The following SNAP91 variants were observed in gnomAD, a reference collection of about 807,000 sequenced individuals.
The protein encoded by SNAP91 is synaptosome associated protein 91, also known as clathrin coat assembly protein AP180.
Under a neutral mutation model 100.3 loss-of-function variants are expected in SNAP91, and 27 were observed. The observed-to-expected ratio is 0.27, with a 90% CI of 0.20 to 0.37. The LOEUF (loss-of-function observed/expected upper bound fraction) is 0.37. Ranked by LOEUF, SNAP91 falls within the 10% of genes least tolerant of loss-of-function variation. SNAP91 has a pLI of 1.00. For missense variants in SNAP91, 986 were observed against 1,123.7 expected (o/e 0.88, Z 1.75); for synonymous variants, 404 against 398.6 (o/e 1.01, Z -0.16).
At chr6:83,604,776 T>C (rs1273606904) in intron 14 of SNAP91, among the ~76,000 whole-genome samples, 1 of 152,194 alleles carries the variant, frequency 6.6e-6, no homozygotes, top group Non-Finnish European at 1.5e-5. Flanking sequence ...AACAGCTTTC[T>C]ATCTAACCTA....
intron 2 of SNAP91, among the ~76,000 whole-genome samples, chr6:83,666,428 C>G (rs2098687310): frequency 6.6e-6 from 1 of 152,070 alleles, no homozygotes; most frequent in Admixed American, 6.6e-5. Context: ...ACAGCAGACA[C>G]TGCATGACTT....
chr6:83,604,999 C>A (rs1466541814), intron 14 of SNAP91, among the ~76,000 whole-genome samples: 1 of 152,044 alleles, frequency 6.6e-6, no homozygotes, highest in Non-Finnish European at 1.5e-5. Context: ...GTATTTAAAA[C>A]CAACTCTTTG....
chr6:83,670,123 CA>C (rs1005389940), intron 2 of SNAP91, among the ~76,000 whole-genome samples: 3 of 151,902 alleles, frequency 2.0e-5, no homozygotes, highest in African/African-American at 7.2e-5. Context: ...TTCCCAAGTT[CA>C]AATATTTAAT....
chr6:83,697,544 T>C (rs758614267), intron 2 of SNAP91, among the ~76,000 whole-genome samples: 2 of 152,204 alleles, frequency 1.3e-5, no homozygotes, highest in Non-Finnish European at 2.9e-5. Flanking sequence ...GTTTTAACTT[T>C]TAATATCAAT....
At chr6:83,650,576 C>G (rs765065834) in intron 7 of SNAP91, among the ~76,000 whole-genome samples, 1 of 152,050 alleles carries the variant, frequency 6.6e-6, no homozygotes, top group Admixed American at 6.6e-5. Flanking sequence ...CACCACCACA[C>G]CCAGCTAATT....
In SNAP91 at chr6:83,649,090, C is replaced by T. The variant is rs554021109; in HGVS notation, c.658+7664G>A. ...AATTCTTTTGATTTCACTTCTAGGC[C>T]TGCTGTGAGGCATATTATTTACTAC... is the stretch of plus-strand genomic sequence containing the variant. On this transcript the variant is annotated intron_variant, in intron 7 of 29. Coordinates refer to ENST00000369694, the MANE Select transcript of SNAP91 (RefSeq NM_001242792.2). Among the ~76,000 whole-genome samples, 94 of 152,244 alleles carry T rather than the reference C, an allele frequency of 6.2e-4. 1 individual carries two copies. Among genetic ancestry groups the T allele is most frequent in the African/African-American group, 2.1e-3 (87 of 41,554 alleles).
intron 8 of SNAP91, among the ~76,000 whole-genome samples, chr6:83,634,216 A>G (rs1271269694): frequency 6.6e-6 from 1 of 152,192 alleles, no homozygotes; most frequent in Admixed American, 6.5e-5. Flanking sequence ...AAGGCCAGGC[A>G]AAAACGGCTT....
At chr6:83,639,178 T>G (rs1475777824) in intron 8 of SNAP91, among the ~76,000 whole-genome samples, 1 of 152,192 alleles carries the variant, frequency 6.6e-6, no homozygotes, top group Non-Finnish European at 1.5e-5. Context: ...TTCCTGAGAC[T>G]CTTCAGGTAA....
At chr6:83,623,039 T>C (rs577567046) in intron 9 of SNAP91, among the ~76,000 whole-genome samples, 1 of 152,252 alleles carries the variant, frequency 6.6e-6, no homozygotes, top group Admixed American at 6.5e-5. Flanking sequence ...TGATCAAGTT[T>C]AAAATGAAAA....
intron 26 of SNAP91, among the ~76,000 whole-genome samples, chr6:83,568,184 C>T (rs1256359235): frequency 3.3e-5 from 5 of 152,224 alleles, no homozygotes; most frequent in Non-Finnish European, 7.4e-5. Context: ...GATGAGTTCA[C>T]GTCTTTTGTA....
intron 25 of SNAP91, 189 bp from the exon 26 acceptor site, chr6:83,575,310 G>A: frequency 1.8e-6 from 1 of 570,650 alleles, no homozygotes; most frequent in Non-Finnish European, 3.1e-6. Flanking sequence ...AAGCTTAAAA[G>A]CATTTGAAAA....
intron 25 of SNAP91, 116 bp from the exon 26 acceptor site, chr6:83,575,237 T>G (rs1816357605): frequency 2.7e-6 from 2 of 732,750 alleles, no homozygotes; most frequent in Non-Finnish European, 4.7e-6. Context: ...TTTAGTCAAG[T>G]GGTATAGTAA....
At chr6:83,690,980 G>A (rs2099123623) in intron 2 of SNAP91, among the ~76,000 whole-genome samples, 1 of 152,008 alleles carries the variant, frequency 6.6e-6, no homozygotes, top group African/African-American at 2.4e-5. Context: ...TGCTACTGAT[G>A]AAGTTTAACT....
Position 83,657,934 on chromosome 6 carries a change from T to TC in SNAP91, c.546+1064_546+1065insG, listed in dbSNP as rs1364410261. Among the ~76,000 whole-genome samples, 444 of 149,336 alleles carry TC rather than the reference T, an allele frequency of 3.0e-3. 3 individuals carry two copies. Among genetic ancestry groups the TC allele is most frequent in the African/African-American group, 0.01 (415 of 40,830 alleles). Reference sequence around the variant, plus strand: ...GGCATGCACCACCACACCTTGCTTTTTTTTTTTTTTTTTTTTGGTATTTTT... The same window carrying TC: ...GGCATGCACCACCACACCTTGCTTTTCTTTTTTTTTTTTTTTTGGTATTTTT... On this transcript the variant is annotated intron_variant, in intron 6 of 29. Transcript: ENST00000369694.
At chr6:83,597,047 T>C (rs2128223638) in intron 16 of SNAP91, among the ~76,000 whole-genome samples, 1 of 152,276 alleles carries the variant, frequency 6.6e-6, no homozygotes, top group South Asian at 2.1e-4. Flanking sequence ...TAGAAGAGGG[T>C]TTTAAAAAAT....
intron 2 of SNAP91, among the ~76,000 whole-genome samples, chr6:83,667,415 A>C (rs995188727): frequency 6.6e-6 from 1 of 152,092 alleles, no homozygotes; most frequent in African/African-American, 2.4e-5. Flanking sequence ...GGTTGATTAC[A>C]GAAACAGATA....
chr6:83,708,067 C>CA (rs1410303752), intron 1 of SNAP91, 110 bp from the exon 2 acceptor site: 3 of 899,910 alleles, frequency 3.3e-6, no homozygotes, highest in Non-Finnish European at 4.7e-6. Context: ...CCTCCATCCC[C>CA]ACCCTGGCAC....
At chr6:83,568,282 G>A (rs1800277097) in intron 26 of SNAP91, among the ~76,000 whole-genome samples, 1 of 151,966 alleles carries the variant, frequency 6.6e-6, no homozygotes, top group African/African-American at 2.4e-5. Flanking sequence ...ACTCATAGGT[G>A]GGAATTGAAC....
At chr6:83,693,753 C>T (rs1246970752) in intron 2 of SNAP91, among the ~76,000 whole-genome samples, 2 of 152,192 alleles carry the variant, frequency 1.3e-5, no homozygotes, top group Admixed American at 1.3e-4. Flanking sequence ...ATACAAATCA[C>T]TGAATTACTA....
Sources: gnomAD v4.1 joint callset for allele counts (sites outside exome capture counted in the v4.1 genomes callset) on GRCh38, gnomAD v4.1.1 for gene constraint, MANE v1.5 for transcripts, NCBI Gene and HGNC (gene_info 2026-07-23, HGNC 2026-07-21) for gene names.